The following CAB39L variants were observed in gnomAD, a reference collection of about 807,000 sequenced individuals.
CAB39L encodes calcium-binding protein 39-like.
Under a neutral mutation model 39.1 loss-of-function variants are expected in CAB39L, and 23 were observed. The ratio of observed to expected loss-of-function variants is 0.59; its 90% CI spans 0.42 to 0.83. CAB39L has a LOEUF of 0.83. Ranked by LOEUF, CAB39L falls within the 40% of genes least tolerant of loss-of-function variation. The pLI, the probability that CAB39L is intolerant of heterozygous loss-of-function variation, is 0.00. For missense variants in CAB39L, 366 were observed against 391.9 expected, an observed-to-expected ratio of 0.93 and a Z score of 0.56; for synonymous variants, 126 against 137.2, an observed-to-expected ratio of 0.92 and a Z score of 0.57.
chr13:49,377,252 G>C, intron 4 of CAB39L, 121 bp from the exon 5 acceptor site: 6 of 702,852 alleles, frequency 8.5e-6, no homozygotes, highest in Middle Eastern at 4.5e-4. Flanking sequence ...ATAATGAATG[G>C]CACAGTTACA....
At chr13:49,338,387 A>G (rs967602324) in intron 9 of CAB39L, among the ~76,000 whole-genome samples, 13 of 151,526 alleles carry the variant, frequency 8.6e-5, no homozygotes, top group Admixed American at 1.3e-4. Context: ...CATTCTCAGT[A>G]AACTATCGCA....
chr13:49,392,429 G>C (rs923191538), intron 3 of CAB39L, among the ~76,000 whole-genome samples: 3 of 152,020 alleles, frequency 2.0e-5, no homozygotes, highest in Admixed American at 6.6e-5. Flanking sequence ...ACAAGGTCAG[G>C]AGTTTGAGAC....
intron 10 of CAB39L, 114 bp from the exon 11 acceptor site, chr13:49,311,107 A>G: frequency 1.2e-6 from 1 of 828,096 alleles, no homozygotes; most frequent in Non-Finnish European, 1.9e-6. Flanking sequence ...CGTGACTGAT[A>G]TTATTAATGC....
intron 4 of CAB39L, among the ~76,000 whole-genome samples, chr13:49,378,652 C>T (rs1956168672): frequency 1.5e-5 from 1 of 65,004 alleles, no homozygotes; most frequent in African/African-American, 9.8e-5. Flanking sequence ...TCTGCCTGGC[C>T]GCCCCTACTG....
At chr13:49,426,232 A>C (rs1389089175) in intron 3 of CAB39L, among the ~76,000 whole-genome samples, 1 of 152,148 alleles carries the variant, frequency 6.6e-6, no homozygotes, top group Non-Finnish European at 1.5e-5. Context: ...TCACACCATT[A>C]GTCTTTCTTT....
intron 5 of CAB39L, among the ~76,000 whole-genome samples, chr13:49,375,184 TTTA>T (rs1215640167): frequency 6.6e-6 from 1 of 152,148 alleles, no homozygotes; most frequent in Non-Finnish European, 1.5e-5. Context: ...TGTATATATT[TTTA>T]TTTAGTTTAA....
At chr13:49,399,008 G>T (rs933971141) in intron 3 of CAB39L, among the ~76,000 whole-genome samples, 1 of 151,916 alleles carries the variant, frequency 6.6e-6, no homozygotes, top group Non-Finnish European at 1.5e-5. Flanking sequence ...TCTTACTTTT[G>T]CTTTGTTCAC....
intron 3 of CAB39L, among the ~76,000 whole-genome samples, chr13:49,415,342 C>A (rs892473618): frequency 2.0e-5 from 3 of 151,626 alleles, no homozygotes; most frequent in African/African-American, 7.3e-5. Flanking sequence ...TGGTGAAACC[C>A]CTTCTCTACT....
At chr13:49,332,397 C>T (rs899497342) in intron 9 of CAB39L, among the ~76,000 whole-genome samples, 5 of 152,138 alleles carry the variant, frequency 3.3e-5, no homozygotes, top group African/African-American at 1.2e-4. Context: ...TATCTTGCTT[C>T]GCACTAATGT....
Position 49,420,761 on chromosome 13 carries a change from T to C in CAB39L, c.-32+12557A>G, listed in dbSNP as rs192481597. Among the ~76,000 whole-genome samples, 395 of 152,344 alleles carry C rather than the reference T, an allele frequency of 2.6e-3. 1 individual carries two copies. The highest frequency in any genetic ancestry group is 4.5e-3 in the Non-Finnish European group (306 of 68,034). On this transcript the variant is annotated intron_variant, in intron 3 of 10. Transcript: ENST00000409308. ...CCCATTATTCTAACTTTATTAGAAA[T>C]GCTAAGCATCAGTATTACTGTTGGA...
At position 49,394,395 on chromosome 13, in the gene CAB39L, T is replaced by A. The variant is rs1055604777; in HGVS notation, c.-31-11454A>T. On this transcript the variant is annotated intron_variant, in intron 3 of 10. Coordinates refer to ENST00000409308, the MANE Select transcript of CAB39L (RefSeq NM_001079670.3). ...TTTGTTGTTTTGACAAACTCAATTCTATTGATGGTATTTTGCAACAGGCTC... is the reference window on the plus strand; with the variant it reads ...TTTGTTGTTTTGACAAACTCAATTCAATTGATGGTATTTTGCAACAGGCTC... Among the ~76,000 whole-genome samples the A allele has an allele frequency of 3.3e-5, 5 of 152,210 alleles. No individual in the cohort carries two copies. The South Asian group carries it at 6.2e-4, about 19-fold the overall frequency.
intron 5 of CAB39L, among the ~76,000 whole-genome samples, chr13:49,364,356 C>T (rs1490163403): frequency 6.6e-6 from 1 of 152,068 alleles, no homozygotes; most frequent in Non-Finnish European, 1.5e-5. Flanking sequence ...AGAGACAGAT[C>T]CCAATACAAC....
intron 1 of CAB39L, among the ~76,000 whole-genome samples, chr13:49,437,612 C>G (rs1176718767): frequency 6.6e-6 from 1 of 152,196 alleles, no homozygotes; most frequent in Non-Finnish European, 1.5e-5. Context: ...CAGTCTCCAC[C>G]TTGCTTGCCA....
chr13:49,433,976 G>A (rs3764091), intron 2 of CAB39L, 110 bp downstream of exon 2: 252,361 of 337,726 alleles, frequency 0.75, 95,324 homozygotes, highest in African/African-American at 0.89. Context: ...CTTTTAGTTC[G>A]CACCTTTACT....
chr13:49,375,635 G>A (rs544879020), intron 5 of CAB39L, among the ~76,000 whole-genome samples: 17 of 152,074 alleles, frequency 1.1e-4, no homozygotes, highest in Non-Finnish European at 1.9e-4. Flanking sequence ...ATCACACACC[G>A]GGGCCTGTTG....
intron 10 of CAB39L, among the ~76,000 whole-genome samples, chr13:49,327,484 A>G (rs1469271749): frequency 6.6e-6 from 1 of 152,080 alleles, no homozygotes; most frequent in Non-Finnish European, 1.5e-5. Flanking sequence ...TTGTGTTTTT[A>G]GTAGGGACTG....
At chr13:49,324,273 C>T (rs1188748537) in intron 10 of CAB39L, among the ~76,000 whole-genome samples, 4 of 152,050 alleles carry the variant, frequency 2.6e-5, no homozygotes, top group Non-Finnish European at 4.4e-5. Context: ...GCCGAGATCA[C>T]ACCACTGCAC....
chr13:49,334,320 T>C (rs1217941027), intron 9 of CAB39L, among the ~76,000 whole-genome samples: 1 of 152,210 alleles, frequency 6.6e-6, no homozygotes, highest in Non-Finnish European at 1.5e-5. Flanking sequence ...AGCAAATTCC[T>C]AGATTCCCAT....
intron 3 of CAB39L, among the ~76,000 whole-genome samples, chr13:49,407,538 C>G (rs1329132393): frequency 3.3e-5 from 5 of 151,732 alleles, no homozygotes; most frequent in Non-Finnish European, 7.4e-5. Context: ...TCATGATCCC[C>G]CCCCAAAAAA....
Sources: gnomAD v4.1 joint callset for allele counts (sites outside exome capture counted in the v4.1 genomes callset) on GRCh38, gnomAD v4.1.1 for gene constraint, MANE v1.5 for transcripts, NCBI Gene and HGNC (gene_info 2026-07-23, HGNC 2026-07-21) for gene names.